The following GABBR2 variants were observed in gnomAD, a reference collection of about 807,000 sequenced individuals.
GABBR2 encodes gamma-aminobutyric acid type B receptor subunit 2.
GABBR2 carries 23 observed loss-of-function variants against 105.6 expected under a neutral mutation model. The ratio of observed to expected loss-of-function variants is 0.22; its 90% CI spans 0.16 to 0.31. GABBR2 has a LOEUF of 0.31. GABBR2 is among the 10% of genes least tolerant of loss of function. The pLI is 1.00. For missense variants in GABBR2, 734 were observed against 1,245.5 expected, an observed-to-expected ratio of 0.59 and a Z score of 6.18; for synonymous variants, 478 against 499.7, an observed-to-expected ratio of 0.96 and a Z score of 0.58.
intron 9 of GABBR2, among the ~76,000 whole-genome samples, chr9:98,393,046 CCAT>C: frequency 1.4e-5 from 2 of 146,342 alleles, no homozygotes; most frequent in Admixed American, 7.0e-5. Context: ...ATCCATCCAT[CCAT>C]CCATCCATCC....
intron 11 of GABBR2, among the ~76,000 whole-genome samples, chr9:98,382,517 G>C (rs1447095311): frequency 6.6e-6 from 1 of 152,136 alleles, no homozygotes; most frequent in Non-Finnish European, 1.5e-5. Context: ...GGTTTGCCAT[G>C]TTGGCCAGGT....
rs1564068291 is a variant in GABBR2 at position 98,436,382 on chromosome 9, T to TAG, written c.1236+17598_1236+17599insCT. 1.3e-3 allele frequency among the ~76,000 whole-genome samples: 73 copies of TAG among 55,320 alleles called. 1 individual carries two copies. The highest frequency in any genetic ancestry group is 6.7e-3 in the African/African-American group (70 of 10,452). The allele number at this position is 55,320 out of a possible 152,430, so 36.3% of individuals were successfully genotyped here. A position where few individuals can be genotyped will look rare whatever the true frequency, so the allele number is the denominator to read the frequency against. On this transcript the variant is annotated intron_variant, in intron 7 of 18. Coordinates refer to ENST00000259455, the MANE Select transcript of GABBR2 (RefSeq NM_005458.8). ...ATATATATATATATATATATATATA[T>TAG]ATATATATATATATATATATATATA... is the stretch of plus-strand genomic sequence containing the variant.
intron 13 of GABBR2, among the ~76,000 whole-genome samples, chr9:98,334,355 C>T (rs1243259931): frequency 6.6e-6 from 1 of 152,178 alleles, no homozygotes; most frequent in Admixed American, 6.5e-5. Context: ...ATGGATCAAT[C>T]CCAGTGGAAG....
intron 1 of GABBR2, among the ~76,000 whole-genome samples, chr9:98,658,211 C>T (rs978321584): frequency 1.3e-5 from 2 of 152,192 alleles, no homozygotes; most frequent in South Asian, 2.1e-4. Flanking sequence ...AGGTCTACCA[C>T]CACGGGCGGT....
intron 1 of GABBR2, among the ~76,000 whole-genome samples, chr9:98,698,749 C>T (rs954256944): frequency 6.6e-6 from 1 of 152,064 alleles, no homozygotes; most frequent in African/African-American, 2.4e-5. Context: ...CCACCCGCTT[C>T]GGCCTCCCAA....
chr9:98,633,626 C>CAAAAA (rs11301472), intron 1 of GABBR2, among the ~76,000 whole-genome samples: 1 of 84,320 alleles, frequency 1.2e-5, no homozygotes, highest in African/African-American at 4.8e-5. Context: ...GACTCCATCT[C>CAAAAA]AAAAAAAAAA....
In GABBR2 at chr9:98,702,315, C is replaced by T. The variant is rs181715576; in HGVS notation, c.321+6102G>A. On this transcript the variant is annotated intron_variant, in intron 1 of 18. Transcript: ENST00000259455. ...GACATTGGTTCCCTCTCTGTTGCCCCTCCTGCCCTGTCGGGTCTCAGTGCT... is the reference window on the plus strand; with the variant it reads ...GACATTGGTTCCCTCTCTGTTGCCCTTCCTGCCCTGTCGGGTCTCAGTGCT... Among the ~76,000 whole-genome samples the T allele has an allele frequency of 2.3e-3, 352 of 152,188 alleles. 1 individual carries two copies. Among genetic ancestry groups the T allele is most frequent in the African/African-American group, 8.2e-3 (342 of 41,504 alleles).
rs1347123890 is a variant in GABBR2 at position 98,473,182 on chromosome 9, G to A, written c.963C>T (p.Pro321=). 1.9e-6 allele frequency: 3 copies of A among 1,613,778 alleles called. No individual in the cohort carries two copies. Among genetic ancestry groups the A allele is most frequent in the South Asian group, 2.2e-5 (2 of 90,982 alleles). ...TGGTCTTGATCTGCTTGGAGCTCAGGGGCTCGAAATCCACGCCAATGTAGC... is the reference window on the plus strand; with the variant it reads ...TGGTCTTGATCTGCTTGGAGCTCAGAGGCTCGAAATCCACGCCAATGTAGC... ...MEGYIGVDFE[P]LSSKQIKTIS... Residue 321 remains proline, a synonymous_variant, in exon 6 of 19, where the codon CCC becomes CCT. Transcript: ENST00000259455.
intron 1 of GABBR2, among the ~76,000 whole-genome samples, chr9:98,682,693 T>G (rs1426238132): frequency 6.6e-6 from 1 of 151,962 alleles, no homozygotes; most frequent in Non-Finnish European, 1.5e-5. Context: ...TTTACCAATC[T>G]TAATACATAA....
Position 98,290,269 on chromosome 9 carries a change from GTTT to G in GABBR2, c.*312_*314del, listed in dbSNP as rs71369558. The G allele has an allele frequency of 1.0e-4, 8 of 76,870 alleles. No individual in the cohort carries two copies. Among genetic ancestry groups the G allele is most frequent in the Non-Finnish European group, 1.2e-4 (5 of 41,822 alleles). 4.8% of individuals were successfully genotyped at this position (76,870 alleles called of 1,614,324 possible). On this transcript the variant is annotated 3_prime_UTR_variant, in exon 19 of 19. Coordinates refer to ENST00000259455, the MANE Select transcript of GABBR2 (RefSeq NM_005458.8). ...GCCTCTCTCCTTGTCTAGTTTTTTTGTTTTTTTTTTTTTTTTTTTTTTTTTGCA... is the reference window on the plus strand; with the variant it reads ...GCCTCTCTCCTTGTCTAGTTTTTTTGTTTTTTTTTTTTTTTTTTTTTTGCA...
At chr9:98,557,036 C>A (rs938181881) in intron 2 of GABBR2, among the ~76,000 whole-genome samples, 7 of 152,212 alleles carry the variant, frequency 4.6e-5, no homozygotes, top group African/African-American at 1.7e-4. Flanking sequence ...CCAGCAAGAC[C>A]CTACTTCAAA....
intron 13 of GABBR2, among the ~76,000 whole-genome samples, chr9:98,341,265 C>T (rs1831209069): frequency 6.6e-6 from 1 of 152,216 alleles, no homozygotes; most frequent in Admixed American, 6.5e-5. Context: ...TCTGTGCCCA[C>T]AATGCTGACT....
intron 8 of GABBR2, among the ~76,000 whole-genome samples, chr9:98,400,939 T>C (rs1419440247): frequency 6.6e-6 from 1 of 152,066 alleles, no homozygotes; most frequent in Non-Finnish European, 1.5e-5. Flanking sequence ...AAGAGGGACT[T>C]TCATGGACCA....
chr9:98,473,157 T>A lies in GABBR2; in HGVS notation c.988A>T (p.Ile330Phe). The stretch of plus-strand genomic sequence containing the variant: ...ACCAAGGCACTGACCTTTCCTGAGA[T>A]GGTCTTGATCTGCTTGGAGCTCAGG... ...EPLSSKQIKT[I>F]SGKTPQQYER... is the part of the protein sequence containing the mutation. Residue 330 changes from isoleucine to phenylalanine, a missense_variant, in exon 6 of 19, where the codon ATC becomes TTC. Ile to Phe is a conservative substitution (Grantham distance 21, BLOSUM62 0). Coordinates refer to ENST00000259455, the MANE Select transcript of GABBR2 (RefSeq NM_005458.8). 1 of 1,613,106 alleles carries A rather than the reference T, an allele frequency of 6.2e-7. No homozygotes were observed. Among genetic ancestry groups the A allele is most frequent in the South Asian group, 1.1e-5 (1 of 90,962 alleles).
chr9:98,607,318 T>G, intron 1 of GABBR2: 1 of 793,936 alleles, frequency 1.3e-6, no homozygotes, highest in Non-Finnish European at 2.3e-6. Flanking sequence ...TTGTTTATAC[T>G]TCATTGCTCC....
chr9:98,438,401 C>T (rs1206536497), intron 7 of GABBR2, among the ~76,000 whole-genome samples: 3 of 152,102 alleles, frequency 2.0e-5, no homozygotes, highest in Non-Finnish European at 4.4e-5. Flanking sequence ...TGTGTAAAAC[C>T]CTGAGGAGAC....
chr9:98,401,740 T>C (rs910592379), intron 8 of GABBR2, among the ~76,000 whole-genome samples: 6 of 152,208 alleles, frequency 3.9e-5, no homozygotes, highest in African/African-American at 1.4e-4. Flanking sequence ...AGTCTCAAAG[T>C]AGGGTCAAAC....
rs1053006846 is a variant in GABBR2, at chr9:98,388,660, T to TGTGC, written c.1529+193_1529+194insGCAC. Reference sequence around the variant, plus strand: ...GTGTGTGTGTGTGTGTGTGTGTGTGTGCGTGCACGCACACACACGTACTCA... The same window carrying TGTGC: ...GTGTGTGTGTGTGTGTGTGTGTGTGTGTGCGCGTGCACGCACACACACGTACTCA... On this transcript the variant is annotated intron_variant, in intron 10 of 18. Coordinates refer to ENST00000259455, the MANE Select transcript of GABBR2 (RefSeq NM_005458.8). This position sits in a 1 kb window ranked among gnomAD's most constrained non-coding sequence, Gnocchi z 4.4. 2.1e-5 allele frequency among the ~76,000 whole-genome samples: 3 copies of TGTGC among 141,708 alleles called. No individual in the cohort carries two copies. Among genetic ancestry groups the TGTGC allele is most frequent in the African/African-American group, 5.6e-5 (2 of 35,926 alleles). 93.0% of individuals were successfully genotyped at this position (141,708 alleles called of 152,430 possible).
intron 7 of GABBR2, among the ~76,000 whole-genome samples, chr9:98,407,592 C>G (rs942518913): frequency 1.3e-5 from 2 of 152,118 alleles, no homozygotes; most frequent in Non-Finnish European, 2.9e-5. Flanking sequence ...GTAAATGGAC[C>G]ACTTTGCCTG....
Sources: gnomAD v4.1 joint callset for allele counts (sites outside exome capture counted in the v4.1 genomes callset) on GRCh38, gnomAD v4.1.1 for gene constraint, Gnocchi (gnomAD v3.1) non-coding constraint, MANE v1.5 for transcripts, NCBI Gene and HGNC (gene_info 2026-07-23, HGNC 2026-07-21) for gene names.